COL4A1: variants seen among roughly 807,000 people sequenced by gnomAD.
The protein encoded by COL4A1 is collagen alpha-1(IV) chain.
In COL4A1, 40 loss-of-function variants were observed where a neutral mutation model predicts 216.6. The ratio of observed to expected loss-of-function variants is 0.18; its 90% CI spans 0.14 to 0.24. The LOEUF (loss-of-function observed/expected upper bound fraction) is 0.24. Ranked by LOEUF, COL4A1 falls within the 10% of genes least tolerant of loss-of-function variation. COL4A1 has a pLI of 1.00. For synonymous variants in COL4A1, 839 were observed against 810.7 expected (o/e 1.03, Z -0.59); for missense variants, 1,628 against 2,196.8 (o/e 0.74, Z 5.18).
At chr13:110,289,114 A>G (rs1461178850) in intron 1 of COL4A1, among the ~76,000 whole-genome samples, 1 of 152,120 alleles carries the variant, frequency 6.6e-6, no homozygotes, top group East Asian at 1.9e-4. Context: ...GTCAGTGAGT[A>G]TCTGGGGAGA....
chr13:110,222,858 TATTCAGTGCCATTGAACAC>T (rs1427636408), intron 2 of COL4A1, among the ~76,000 whole-genome samples: 1 of 149,908 alleles, frequency 6.7e-6, no homozygotes, highest in East Asian at 2.0e-4. Context: ...AAATATTAAA[TATTCAGTGCCATTGAACAC>T]ATTCTGTGGG....
rs1305875207 is a variant in COL4A1 at position 110,268,946 on chromosome 13, G to A, written c.85-26212C>T. Among the ~76,000 whole-genome samples, 2 of 152,114 alleles carry A rather than the reference G, an allele frequency of 1.3e-5. No homozygotes were observed. The highest frequency in any genetic ancestry group is 4.8e-5 in the African/African-American group (2 of 41,404). On this transcript the variant is annotated intron_variant, in intron 1 of 51. Transcript: ENST00000375820. The surrounding 1 kb of genome is among the most constrained non-coding windows in gnomAD (Gnocchi z 4.1). ...CCAGAGCCCAGCAGAGGAGGCCAAC[G>A]TGCAAAAGCCGAACCTCCGCGCACC...
chr13:110,232,009 T>G (rs966186889), intron 2 of COL4A1, among the ~76,000 whole-genome samples: 1 of 152,188 alleles, frequency 6.6e-6, no homozygotes, highest in Admixed American at 6.5e-5. Context: ...TCCAAATATC[T>G]AATAAAGGAG....
chr13:110,242,422 A>G (rs1008762442), intron 2 of COL4A1, among the ~76,000 whole-genome samples: 1 of 152,242 alleles, frequency 6.6e-6, no homozygotes, highest in Non-Finnish European at 1.5e-5. Flanking sequence ...GTCAAAAAGG[A>G]AAATAAACCA....
chr13:110,290,215 A>G (rs1884030267), intron 1 of COL4A1, among the ~76,000 whole-genome samples: 2 of 152,236 alleles, frequency 1.3e-5, no homozygotes, highest in African/African-American at 4.8e-5. Context: ...CTGGTTAGAC[A>G]ACAAGTGCGA....
chr13:110,208,711 A>T, intron 12 of COL4A1, 138 bp downstream of exon 12: 3 of 860,226 alleles, frequency 3.5e-6, no homozygotes, highest in Non-Finnish European at 6.0e-6. Context: ...TAAGGAAAAC[A>T]CTAACTACCA....
Position 110,166,287 on chromosome 13 carries a change from A to G in COL4A1, c.3966T>C (p.Pro1322=). 1 of 1,611,770 alleles carries G rather than the reference A, an allele frequency of 6.2e-7. No homozygotes were observed. The highest frequency in any genetic ancestry group is 1.1e-5 in the South Asian group (1 of 91,032). Residue 1322 remains proline (P), a synonymous_variant, in exon 45 of 52, where the codon CCT becomes CCC. Coordinates refer to ENST00000375820, the MANE Select transcript of COL4A1 (RefSeq NM_001845.6). The part of the protein sequence containing the change: ...VPGFQGPKGL[P]GLQGIKGDQG... ...GATCACCTTTAATTCCCTGGAGGCC[A>G]GGAAGACCTTTTGGACCTAAAAGCA...
chr13:110,274,817 T>C (rs969787095), intron 1 of COL4A1, among the ~76,000 whole-genome samples: 1 of 152,150 alleles, frequency 6.6e-6, no homozygotes, highest in Non-Finnish European at 1.5e-5. Flanking sequence ...CTGATGTCCA[T>C]AAAGCAGTGA....
At chr13:110,261,198 GCCTGCT>G in intron 1 of COL4A1, among the ~76,000 whole-genome samples, 1 of 152,346 alleles carries the variant, frequency 6.6e-6, no homozygotes, top group Non-Finnish European at 1.5e-5. Flanking sequence ...ACAAGAGGCA[GCCTGCT>G]CCCCAGGAAG....
At chr13:110,197,157 C>T (rs1318259497) in intron 21 of COL4A1, among the ~76,000 whole-genome samples, 2 of 152,054 alleles carry the variant, frequency 1.3e-5, no homozygotes, top group Non-Finnish European at 2.9e-5. Flanking sequence ...TTGGCTCCCT[C>T]ACCCCCTTCA....
chr13:110,248,973 G>C (rs1881958026), intron 1 of COL4A1, among the ~76,000 whole-genome samples: 1 of 152,106 alleles, frequency 6.6e-6, no homozygotes, highest in Admixed American at 6.5e-5. Context: ...TGTGCTGCTT[G>C]TGTCACGCTT....
intron 2 of COL4A1, among the ~76,000 whole-genome samples, chr13:110,235,500 A>C (rs1316471765): frequency 6.6e-6 from 1 of 151,994 alleles, no homozygotes; most frequent in Non-Finnish European, 1.5e-5. Context: ...AATACAAAAA[A>C]ATTAGCCTGG....
intron 2 of COL4A1, among the ~76,000 whole-genome samples, chr13:110,219,670 ATATATATGTG>A (rs1397461251): frequency 2.1e-4 from 15 of 72,612 alleles, no homozygotes; most frequent in African/African-American, 5.4e-4. Context: ...ATGTATATAT[ATATATATGTG>A]TATATATATG....
At chr13:110,190,653 C>G (rs533256372) in intron 24 of COL4A1, 100 of 152,282 alleles carry the variant, frequency 6.6e-4, no homozygotes, top group African/African-American at 2.3e-3. Context: ...TAGCCAAATT[C>G]AAAATAAGAG....
intron 1 of COL4A1, among the ~76,000 whole-genome samples, chr13:110,270,162 G>A (rs1417925004): frequency 6.6e-6 from 1 of 152,202 alleles, no homozygotes; most frequent in Non-Finnish European, 1.5e-5. Flanking sequence ...TGTGAAGGCT[G>A]CGACCTTCTT....
chr13:110,294,582 T>C (rs142366952), intron 1 of COL4A1, among the ~76,000 whole-genome samples: 67 of 152,300 alleles, frequency 4.4e-4, no homozygotes, highest in Non-Finnish European at 8.7e-4. Context: ...TTTCCAAAAA[T>C]TGGAACAACT....
intron 42 of COL4A1, among the ~76,000 whole-genome samples, chr13:110,170,082 G>A (rs1877549107): frequency 7.1e-6 from 1 of 141,346 alleles, no homozygotes; most frequent in Non-Finnish European, 1.5e-5. Flanking sequence ...GGAGGGGAGG[G>A]GAAGGAGGGA....
rs762186947 is a variant in COL4A1 at position 110,205,487 on chromosome 13, C to T, written c.903+7G>A. 6 of 1,606,952 alleles carry T rather than the reference C, an allele frequency of 3.7e-6. No individual in the cohort carries two copies. The highest frequency in any genetic ancestry group is 4.2e-6 in the Non-Finnish European group (5 of 1,179,960). On this transcript the variant is annotated splice_region_variant and intron_variant, in intron 16 of 51. Transcript: ENST00000375820. ...CCTGCTTGTAAAAACCACAGAGAAA[C>T]ACTTACGGGACTCCCTTTTTCCCCT...
chr13:110,225,343 G>A (rs1169078620), intron 2 of COL4A1, among the ~76,000 whole-genome samples: 1 of 152,246 alleles, frequency 6.6e-6, no homozygotes, highest in African/African-American at 2.4e-5. Flanking sequence ...CAGCACTTTG[G>A]GAGGCCAAGG....
Sources: gnomAD v4.1 joint callset for allele counts (sites outside exome capture counted in the v4.1 genomes callset) on GRCh38, gnomAD v4.1.1 for gene constraint, Gnocchi (gnomAD v3.1) non-coding constraint, MANE v1.5 for transcripts, NCBI Gene and HGNC (gene_info 2026-07-23, HGNC 2026-07-21) for gene names.